LINGO2: variants seen among roughly 807,000 people sequenced by gnomAD.
LINGO2 encodes the protein leucine-rich repeat and immunoglobulin-like domain-containing nogo receptor-interacting protein 2.
Under a neutral mutation model 30.6 loss-of-function variants are expected in LINGO2, and 14 were observed. The observed-to-expected ratio is 0.46, with a 90% CI of 0.30 to 0.72. The LOEUF (loss-of-function observed/expected upper bound fraction) is 0.72. LINGO2 is among the 30% of genes least tolerant of loss of function. The pLI is 0.07. For synonymous variants in LINGO2, 317 were observed against 288.5 expected (o/e 1.10, Z -1.00); for missense variants, 729 against 751.7 (o/e 0.97, Z 0.35).
At chr9:28,126,896 T>G (rs1464571745) in intron 4 of LINGO2, among the ~76,000 whole-genome samples, 1 of 152,220 alleles carries the variant, frequency 6.6e-6, no homozygotes, top group Non-Finnish European at 1.5e-5. Context: ...CAATTTGTTC[T>G]TCTTCATGAA....
At chr9:29,070,984 T>C in the LINGO2 span, among the ~76,000 whole-genome samples, 3 of 150,982 alleles carry the variant, frequency 2.0e-5, no homozygotes, top group African/African-American at 7.3e-5. Context: ...TTTAAACTTT[T>C]GTATAAATCT....
In LINGO2 at chr9:27,956,189, C is replaced by T. The variant is rs1819561526; in HGVS notation, c.-35-5483G>A. Among the ~76,000 whole-genome samples the T allele has an allele frequency of 3.3e-5, 5 of 152,098 alleles. No homozygotes were observed. In the South Asian group the frequency reaches 1.0e-3, roughly 31 times the overall value. On this transcript the variant is annotated intron_variant, in intron 5 of 5. Coordinates refer to ENST00000379992, the Ensembl canonical transcript of LINGO2. ...CTCCGGAGACCTCAGGTGATCTGCC[C>T]GCCTCGGCTCCCAAAATGTTGGGAT...
intron 2 of LINGO2, among the ~76,000 whole-genome samples, chr9:28,383,214 C>T (rs1240295411): frequency 6.6e-6 from 1 of 151,366 alleles, no homozygotes; most frequent in Non-Finnish European, 1.5e-5. Flanking sequence ...AGCACTCACT[C>T]TTTCATTTCT....
chr9:28,443,857 C>T (rs1824299840), intron 2 of LINGO2, among the ~76,000 whole-genome samples: 1 of 152,134 alleles, frequency 6.6e-6, no homozygotes, highest in Non-Finnish European at 1.5e-5. Flanking sequence ...GGTGGAACCT[C>T]ACCTTCAAGC....
At chr9:28,093,389 G>A (rs1826153626) in intron 4 of LINGO2, among the ~76,000 whole-genome samples, 2 of 152,016 alleles carry the variant, frequency 1.3e-5, no homozygotes, top group African/African-American at 2.4e-5. Flanking sequence ...CTTGGGTGAG[G>A]CAGACCGTGA....
intron 1 of LINGO2, among the ~76,000 whole-genome samples, chr9:28,592,467 T>C (rs1376471495): frequency 1.3e-5 from 2 of 152,124 alleles, no homozygotes; most frequent in Admixed American, 6.6e-5. Context: ...CTCTGTCTTC[T>C]GTACTGAGTT....
At chr9:28,550,505 C>T (rs1471353081) in intron 1 of LINGO2, among the ~76,000 whole-genome samples, 1 of 151,772 alleles carries the variant, frequency 6.6e-6, no homozygotes, top group Admixed American at 6.6e-5. Flanking sequence ...CAATACACTT[C>T]TTAAACATAT....
chr9:28,752,093 C>T, the LINGO2 span, among the ~76,000 whole-genome samples: 20 of 151,964 alleles, frequency 1.3e-4, no homozygotes, highest in Admixed American at 1.2e-3. Context: ...TTAATAAAAT[C>T]CCATAATAAG....
At chr9:28,192,816 G>C (rs1327715769) in intron 4 of LINGO2, among the ~76,000 whole-genome samples, 1 of 152,068 alleles carries the variant, frequency 6.6e-6, no homozygotes, top group Non-Finnish European at 1.5e-5. Context: ...AAAAATATTT[G>C]ATGTAGGTGT....
intron 1 of LINGO2, among the ~76,000 whole-genome samples, chr9:28,592,000 T>C (rs1458392583): frequency 1.3e-5 from 2 of 152,046 alleles, no homozygotes; most frequent in East Asian, 1.9e-4. Flanking sequence ...TTATGTGCCA[T>C]ACTAAAGAAG....
At chr9:29,026,501 T>C in the LINGO2 span, among the ~76,000 whole-genome samples, 538 of 152,328 alleles carry the variant, frequency 3.5e-3, 2 homozygotes, top group African/African-American at 0.012. Flanking sequence ...TTTAATTTTT[T>C]ACTCTTTAAC....
At chr9:28,819,112 G>A in the LINGO2 span, among the ~76,000 whole-genome samples, 1 of 151,946 alleles carries the variant, frequency 6.6e-6, no homozygotes, top group Non-Finnish European at 1.5e-5. Context: ...CTAATTAAAG[G>A]TCCTCAGCAG....
chr9:28,891,654 A>T, the LINGO2 span, among the ~76,000 whole-genome samples: 1 of 151,926 alleles, frequency 6.6e-6, no homozygotes, highest in African/African-American at 2.4e-5. Flanking sequence ...TGAAAACTAT[A>T]CCCATTCCTT....
At chr9:28,992,970 C>G in the LINGO2 span, among the ~76,000 whole-genome samples, 1 of 151,092 alleles carries the variant, frequency 6.6e-6, no homozygotes, top group African/African-American at 2.4e-5. Context: ...AAAGCAAGAG[C>G]AAACACATTC....
chr9:28,095,646 A>G lies in LINGO2; in HGVS notation c.-86-83241T>C, dbSNP rs182271968. ...AGGCATTACCATTCAGGACATAGGC[A>G]TGGGCAAGGACTTCATGTCTAAAAC... On this transcript the variant is annotated intron_variant, in intron 4 of 5. Coordinates refer to ENST00000379992, the Ensembl canonical transcript of LINGO2. Among the ~76,000 whole-genome samples the G allele has an allele frequency of 6.3e-3, 957 of 152,230 alleles. 7 individuals are homozygous for G. Among genetic ancestry groups the G allele is most frequent in the African/African-American group, 0.018 (744 of 41,544 alleles).
At chr9:28,076,922 T>C (rs1023737220) in intron 4 of LINGO2, among the ~76,000 whole-genome samples, 5 of 152,134 alleles carry the variant, frequency 3.3e-5, no homozygotes, top group African/African-American at 1.2e-4. Context: ...CTAATGTCTA[T>C]TATTTCATTG....
At position 28,435,419 on chromosome 9, in the gene LINGO2, A is replaced by C. The variant is rs151105895; in HGVS notation, c.-279+40521T>G. On this transcript the variant is annotated intron_variant, in intron 2 of 5. Coordinates refer to ENST00000379992, the Ensembl canonical transcript of LINGO2. ...CAAGAAAACTTCTAAATTAGCAAAAATTGTGATGCCTCATATTTCTAGGAC... is the reference window on the plus strand; with the variant it reads ...CAAGAAAACTTCTAAATTAGCAAAACTTGTGATGCCTCATATTTCTAGGAC... 1.1e-3 allele frequency among the ~76,000 whole-genome samples: 162 copies of C among 152,312 alleles called. 1 individual carries two copies. The highest frequency in any genetic ancestry group is 3.5e-3 in the African/African-American group (144 of 41,582).
intron 1 of LINGO2, among the ~76,000 whole-genome samples, chr9:28,661,998 G>A (rs1261200472): frequency 6.6e-6 from 1 of 152,176 alleles, no homozygotes; most frequent in East Asian, 1.9e-4. Context: ...GCCACACACA[G>A]CATAATGGAA....
At chr9:29,159,984 T>G in the LINGO2 span, among the ~76,000 whole-genome samples, 3 of 152,320 alleles carry the variant, frequency 2.0e-5, no homozygotes, top group East Asian at 5.8e-4. Flanking sequence ...CTTACAATTG[T>G]TTACAAATTA....
Sources: gnomAD v4.1 joint callset for allele counts (sites outside exome capture counted in the v4.1 genomes callset) on GRCh38, gnomAD v4.1.1 for gene constraint, MANE v1.5 for transcripts, NCBI Gene and HGNC (gene_info 2026-07-23, HGNC 2026-07-21) for gene names.